The following RBFOX1 variants were observed in gnomAD, a reference collection of about 807,000 sequenced individuals.
RBFOX1 encodes the protein RNA binding protein fox-1 homolog 1.
A neutral mutation model predicts 57.7 loss-of-function variants in RBFOX1; 8 were observed. That is an observed-to-expected ratio of 0.14 (90% confidence interval 0.08 to 0.25). The LOEUF (loss-of-function observed/expected upper bound fraction) is 0.25. RBFOX1 is among the 10% of genes least tolerant of loss of function. The pLI, the probability that RBFOX1 is intolerant of heterozygous loss-of-function variation, is 1.00. For missense variants in RBFOX1, 611 were observed against 548.5 expected (o/e 1.11, Z -1.14); for synonymous variants, 326 against 222.4 (o/e 1.47, Z -4.15).
chr16:7,523,593 T>G (rs1477600602), intron 5 of RBFOX1, among the ~76,000 whole-genome samples: 1 of 152,152 alleles, frequency 6.6e-6, no homozygotes, highest in Non-Finnish European at 1.5e-5. Flanking sequence ...AATGTTTGGA[T>G]GGTACACACT....
intron 4 of RBFOX1, among the ~76,000 whole-genome samples, chr16:7,250,148 A>C (rs910872762): frequency 1.3e-5 from 2 of 151,744 alleles, no homozygotes; most frequent in East Asian, 3.9e-4. Context: ...CCTTTTATTG[A>C]TTTTCGAGAG....
chr16:5,733,753 T>A (rs1281544937), intron 3 of RBFOX1, among the ~76,000 whole-genome samples: 2 of 152,022 alleles, frequency 1.3e-5, no homozygotes, highest in African/African-American at 4.8e-5. Context: ...CTTTCCTGTT[T>A]TTCTCTTTCC....
chr16:5,292,627 G>C (rs2063562602), intron 1 of RBFOX1, among the ~76,000 whole-genome samples: 1 of 118,848 alleles, frequency 8.4e-6, no homozygotes, highest in Non-Finnish European at 1.8e-5. Context: ...TCATATCAGA[G>C]GGATTTATTT....
chr16:6,041,549 G>C (rs981912283), intron 1 of RBFOX1, among the ~76,000 whole-genome samples: 6 of 152,024 alleles, frequency 3.9e-5, no homozygotes, highest in African/African-American at 1.4e-4. Flanking sequence ...TTACGGATGA[G>C]GAAACTCCTC....
At chr16:5,559,165 CAAAA>C (rs35531242) in intron 2 of RBFOX1, among the ~76,000 whole-genome samples, 168 of 65,370 alleles carry the variant, frequency 2.6e-3, no homozygotes, top group East Asian at 0.019. Context: ...CCCCCCCAGG[CAAAA>C]AAAAAAAAAA....
At chr16:5,692,798 G>A (rs905800518) in intron 3 of RBFOX1, among the ~76,000 whole-genome samples, 3 of 152,118 alleles carry the variant, frequency 2.0e-5, no homozygotes, top group African/African-American at 7.2e-5. Flanking sequence ...ACAGAGTCCA[G>A]GCAAGAGGGT....
At chr16:7,349,650 G>T (rs889826141) in intron 4 of RBFOX1, among the ~76,000 whole-genome samples, 6 of 152,162 alleles carry the variant, frequency 3.9e-5, no homozygotes, top group African/African-American at 1.4e-4. Flanking sequence ...GCTGAGGAGG[G>T]TTGGGTTCAG....
intron 1 of RBFOX1, among the ~76,000 whole-genome samples, chr16:6,146,924 C>A (rs868049308): frequency 6.6e-6 from 1 of 152,116 alleles, no homozygotes; most frequent in African/African-American, 2.4e-5. Flanking sequence ...CATGGCATCA[C>A]GTGGCTCTTC....
At chr16:5,844,919 G>T (rs2056715109) in intron 3 of RBFOX1, among the ~76,000 whole-genome samples, 1 of 152,152 alleles carries the variant, frequency 6.6e-6, no homozygotes, top group South Asian at 2.1e-4. Flanking sequence ...AGAACACCAA[G>T]AGTTTATTTG....
At chr16:5,902,420 A>T (rs1353828215) in intron 4 of RBFOX1, among the ~76,000 whole-genome samples, 3 of 151,700 alleles carry the variant, frequency 2.0e-5, no homozygotes, top group Admixed American at 2.0e-4. Flanking sequence ...ATTTATTTTT[A>T]TTTTTATTTT....
intron 3 of RBFOX1, among the ~76,000 whole-genome samples, chr16:5,745,584 C>G (rs2052947184): frequency 6.6e-6 from 1 of 152,220 alleles, no homozygotes; most frequent in Non-Finnish European, 1.5e-5. Context: ...TCCTATTTCT[C>G]CACATCCTGT....
intron 3 of RBFOX1, among the ~76,000 whole-genome samples, chr16:7,017,619 C>G (rs1444736047): frequency 1.3e-5 from 2 of 152,120 alleles, no homozygotes; most frequent in African/African-American, 2.4e-5. Flanking sequence ...ACATTGTGGC[C>G]TCAGGTTGAA....
intron 3 of RBFOX1, among the ~76,000 whole-genome samples, chr16:5,661,488 A>G (rs896043486): frequency 1.1e-4 from 17 of 152,232 alleles, no homozygotes; most frequent in African/African-American, 3.9e-4. Flanking sequence ...TCCAGTAGAT[A>G]TCCAGATTTT....
intron 4 of RBFOX1, among the ~76,000 whole-genome samples, chr16:7,239,845 A>G (rs2093966867): frequency 6.6e-6 from 1 of 152,110 alleles, no homozygotes; most frequent in Non-Finnish European, 1.5e-5. Flanking sequence ...TTTCTACTTG[A>G]AACTACTACT....
At chr16:7,698,852 T>G (rs1263307790) in intron 14 of RBFOX1, among the ~76,000 whole-genome samples, 1 of 152,222 alleles carries the variant, frequency 6.6e-6, no homozygotes. Context: ...TCAGGCTTGC[T>G]GCATGCAATA....
chr16:7,686,862 A>G (rs2076175512), intron 14 of RBFOX1, among the ~76,000 whole-genome samples: 1 of 152,074 alleles, frequency 6.6e-6, no homozygotes, highest in Admixed American at 6.6e-5. Context: ...TAAAATGACA[A>G]AAGGGAACTG....
chr16:7,470,037 T>C (rs1461403669), intron 4 of RBFOX1, among the ~76,000 whole-genome samples: 1 of 152,198 alleles, frequency 6.6e-6, no homozygotes, highest in African/African-American at 2.4e-5. Flanking sequence ...TTTTTCACTT[T>C]TAACATTGCA....
intron 2 of RBFOX1, among the ~76,000 whole-genome samples, chr16:6,386,557 AG>A (rs1172708343): frequency 6.6e-6 from 1 of 152,244 alleles, no homozygotes; most frequent in Non-Finnish European, 1.5e-5. Flanking sequence ...TAGAAAAAGC[AG>A]CAACAACCAA....
intron 3 of RBFOX1, among the ~76,000 whole-genome samples, chr16:6,757,624 T>C (rs1259014265): frequency 6.6e-6 from 1 of 152,110 alleles, no homozygotes; most frequent in East Asian, 1.9e-4. Flanking sequence ...GAGAGTAGAA[T>C]GGTGGTTACC....
Sources: gnomAD v4.1 joint callset for allele counts (sites outside exome capture counted in the v4.1 genomes callset) on GRCh38, gnomAD v4.1.1 for gene constraint, MANE v1.5 for transcripts, NCBI Gene and HGNC (gene_info 2026-07-23, HGNC 2026-07-21) for gene names.